B3GALNT2: variants seen among roughly 807,000 people sequenced by gnomAD.
B3GALNT2 encodes the protein UDP-GalNAc:beta-1,3-N-acetylgalactosaminyltransferase 2.
Under a neutral mutation model 61.1 loss-of-function variants are expected in B3GALNT2, and 53 were observed. That is an observed-to-expected ratio of 0.87 (90% CI 0.70 to 1.09). The LOEUF is 1.09. Among genes scored for constraint, B3GALNT2 ranks in the 50% least tolerant of loss-of-function variants. The pLI is 0.00. For missense variants in B3GALNT2, 544 were observed against 623.0 expected (o/e 0.87, Z 1.35); for synonymous variants, 223 against 237.4 (o/e 0.94, Z 0.56).
At chr1:235,456,523 T>C (rs1465534917) in intron 8 of B3GALNT2, among the ~76,000 whole-genome samples, 2 of 152,224 alleles carry the variant, frequency 1.3e-5, no homozygotes, top group African/African-American at 4.8e-5. Flanking sequence ...AAGGCATACA[T>C]AATATTTGCT....
intron 5 of B3GALNT2, among the ~76,000 whole-genome samples, chr1:235,476,411 T>TAAAC (rs111689826): frequency 0.04 from 5,946 of 148,176 alleles, 156 homozygotes; most frequent in Middle Eastern, 0.1. Flanking sequence ...ACTCCGTTTC[T>TAAAC]AAACAAACAA....
intron 7 of B3GALNT2, 81 bp downstream of exon 7, chr1:235,465,552 AAAG>A (rs1683648647): frequency 6.5e-7 from 1 of 1,545,092 alleles, no homozygotes; most frequent in Admixed American, 2.1e-5. Context: ...AAAAGACAAA[AAAG>A]AAAAAATCCT....
At chr1:235,483,433 AACAG>A (rs1394542675) in intron 4 of B3GALNT2, among the ~76,000 whole-genome samples, 7 of 152,182 alleles carry the variant, frequency 4.6e-5, no homozygotes, top group East Asian at 1.9e-4. Flanking sequence ...CCCTGAATAA[AACAG>A]ACAAAGAAAA....
intron 7 of B3GALNT2, among the ~76,000 whole-genome samples, chr1:235,459,816 CAG>C (rs200574123): frequency 0.027 from 4,033 of 152,098 alleles, 66 homozygotes; most frequent in Non-Finnish European, 0.042. Flanking sequence ...TTTTTTGAGA[CAG>C]AGTCTCACTC....
intron 1 of B3GALNT2, among the ~76,000 whole-genome samples, chr1:235,498,560 CG>C (rs1466016529): frequency 3.3e-5 from 5 of 152,232 alleles, no homozygotes; most frequent in African/African-American, 1.2e-4. Flanking sequence ...TACTCTCCGC[CG>C]GGCACGGTGG....
intron 6 of B3GALNT2, among the ~76,000 whole-genome samples, chr1:235,467,852 T>C (rs1401239980): frequency 6.6e-6 from 1 of 151,896 alleles, no homozygotes; most frequent in Non-Finnish European, 1.5e-5. Context: ...TGATCTTGGC[T>C]CACTGCAACC....
Position 235,453,971 on chromosome 1 carries a change from T to A in B3GALNT2, c.1311+185A>T, listed in dbSNP as rs16832625. ...GATGAAACTTGGTGTGATGAGTGTA[T>A]ACGTAGGTGGGAAATCCTTAATTTT... On this transcript the variant is annotated intron_variant, in intron 10 of 11. Transcript: ENST00000366600. Among the ~76,000 whole-genome samples the A allele has an allele frequency of 0.047, 7,080 of 152,138 alleles. 391 individuals carry two copies. Among genetic ancestry groups the A allele is most frequent in the African/African-American group, 0.13 (5,389 of 41,466 alleles).
At chr1:235,487,545 G>T (rs1162726860) in intron 3 of B3GALNT2, among the ~76,000 whole-genome samples, 2 of 152,168 alleles carry the variant, frequency 1.3e-5, no homozygotes, top group Admixed American at 6.5e-5. Flanking sequence ...GCAAAGCTTG[G>T]ATTGAGAGCC....
At chr1:235,474,358 T>C (rs1277699398) in intron 5 of B3GALNT2, among the ~76,000 whole-genome samples, 1 of 152,240 alleles carries the variant, frequency 6.6e-6, no homozygotes, top group Non-Finnish European at 1.5e-5. Context: ...ATAAGCAAGC[T>C]GTCTGTAACT....
chr1:235,458,598 C>A lies in B3GALNT2; in HGVS notation c.1025+5G>T, dbSNP rs748203863. On this transcript the variant is annotated splice_donor_5th_base_variant and intron_variant, in intron 8 of 11. Coordinates refer to ENST00000366600, the MANE Select transcript of B3GALNT2 (RefSeq NM_152490.5). ...TTCTAGCTACCCAACATTTTTACAA[C>A]CTACCATCTATAGAAGTTCAATAAT... 2 of 1,579,108 alleles carry A rather than the reference C, an allele frequency of 1.3e-6. No homozygotes were observed. The highest frequency in any genetic ancestry group is 2.4e-5 in the South Asian group (2 of 83,816).
intron 7 of B3GALNT2, among the ~76,000 whole-genome samples, chr1:235,462,506 T>C (rs1683481937): frequency 6.6e-6 from 1 of 152,190 alleles, no homozygotes; most frequent in African/African-American, 2.4e-5. Context: ...AATACATGGA[T>C]CTGTTCAGCA....
Position 235,484,454 on chromosome 1 carries a change from CT to C in B3GALNT2, c.422del (p.Glu141GlyfsTer7), listed in dbSNP as rs1684705729. The C allele has an allele frequency of 6.2e-7, 1 of 1,614,088 alleles. No homozygotes were observed. Among genetic ancestry groups the C allele is most frequent in the South Asian group, 1.1e-5 (1 of 91,094 alleles). On this transcript the variant is annotated frameshift_variant, in exon 4 of 12. Transcript: ENST00000366600. LOFTEE classifies it high-confidence loss of function. ...LSEDTSSGLP[E>X]DRVVSVSFRV... ...GGAAACTCACGCTGACAACTCGATC[CT>C]CAGGCAGCCCCGATGAAGTGTCTTC...
rs1427373624 is a variant in B3GALNT2 at position 235,448,733 on chromosome 1, A to G, written c.*1473T>C. 2 of 1,613,920 alleles carry G rather than the reference A, an allele frequency of 1.2e-6. No homozygotes were observed. Among genetic ancestry groups the G allele is most frequent in the African/African-American group, 2.7e-5 (2 of 74,916 alleles). On this transcript the variant is annotated 3_prime_UTR_variant, in exon 12 of 12. Transcript: ENST00000366600. ...GTCATTACAGTTTTATTCTGTGGAA[A>G]ATGGAGATTGTCTATTAGTGCGATG...
intron 7 of B3GALNT2, among the ~76,000 whole-genome samples, chr1:235,461,473 A>C (rs1294774147): frequency 1.4e-5 from 2 of 146,062 alleles, no homozygotes; most frequent in African/African-American, 5.1e-5. Context: ...AACACAGACC[A>C]GCCTTTGAGA....
At position 235,450,212 on chromosome 1, in the gene B3GALNT2, T is replaced by C; in HGVS notation, c.1497A>G (p.Ala499=). The C allele has an allele frequency of 6.2e-7, 1 of 1,614,162 alleles. No homozygotes were observed. The highest frequency in any genetic ancestry group is 2.2e-5 in the East Asian group (1 of 44,868). ...ERCGDPCRCQ[A]R is the part of the protein sequence containing the mutation. Reference sequence around the variant, plus strand: ...CTGCTAATTCAAGTCCCTGTTATCTTGCTTGACATCGACAAGGATCACCGC... The same window carrying C: ...CTGCTAATTCAAGTCCCTGTTATCTCGCTTGACATCGACAAGGATCACCGC... The change falls in exon 12 of 12, where the codon GCA becomes GCG. Residue 499 remains alanine (A), a synonymous_variant. Coordinates refer to ENST00000366600, the MANE Select transcript of B3GALNT2 (RefSeq NM_152490.5).
chr1:235,486,144 C>T (rs540990895), intron 3 of B3GALNT2, among the ~76,000 whole-genome samples: 88 of 152,228 alleles, frequency 5.8e-4, no homozygotes, highest in Admixed American at 7.8e-4. Flanking sequence ...TGGTTGCCCA[C>T]GTCAGACTTC....
rs765598812 is a variant in B3GALNT2 at position 235,448,380 on chromosome 1, G to A, written c.*1826C>T. Reference sequence around the variant, plus strand: ...TGACAATTCAAAAGGTGAAGGGATTGCTGTCACGTCTTCTCAAAGTTCCTG... The same window carrying A: ...TGACAATTCAAAAGGTGAAGGGATTACTGTCACGTCTTCTCAAAGTTCCTG... On this transcript the variant is annotated 3_prime_UTR_variant, in exon 12 of 12. Coordinates refer to ENST00000366600, the MANE Select transcript of B3GALNT2 (RefSeq NM_152490.5). The A allele has an allele frequency of 1.9e-6, 3 of 1,614,186 alleles. No homozygotes were observed. The highest frequency in any genetic ancestry group is 2.5e-6 in the Non-Finnish European group (3 of 1,180,024).
chr1:235,481,081 T>C lies in B3GALNT2; in HGVS notation c.556-932A>G, dbSNP rs572023897. ...AACTTCTGTTAAGCTCTTAAAACCA[T>C]GCAGGGGTTCAAAATTAAGCACATT... On this transcript the variant is annotated intron_variant, in intron 4 of 11. Transcript: ENST00000366600. Among the ~76,000 whole-genome samples the C allele has an allele frequency of 2.6e-5, 4 of 152,192 alleles. No individual in the cohort carries two copies. In the South Asian group the frequency reaches 8.3e-4, roughly 32 times the overall value.
chr1:235,460,436 G>A (rs1683367273), intron 7 of B3GALNT2, among the ~76,000 whole-genome samples: 1 of 146,716 alleles, frequency 6.8e-6, no homozygotes, highest in Admixed American at 6.8e-5. Flanking sequence ...GAGCGACTGT[G>A]CCTGGCCATG....
Sources: gnomAD v4.1 joint callset for allele counts (sites outside exome capture counted in the v4.1 genomes callset) on GRCh38, gnomAD v4.1.1 for gene constraint, MANE v1.5 for transcripts, NCBI Gene and HGNC (gene_info 2026-07-23, HGNC 2026-07-21) for gene names.